The following RALYL variants were observed in gnomAD, a reference collection of about 807,000 sequenced individuals.
RALYL encodes the protein RALY RNA binding protein like, also known as RNA-binding Raly-like protein.
Under a neutral mutation model 35.1 loss-of-function variants are expected in RALYL, and 29 were observed. That is an observed-to-expected ratio of 0.83 (90% CI 0.61 to 1.13). The LOEUF (loss-of-function observed/expected upper bound fraction) is 1.13, where lower values mean the gene tolerates loss of function less well. RALYL is among the 50% of genes most tolerant of loss of function. The pLI is 0.00. For synonymous variants in RALYL, 120 were observed against 127.6 expected (o/e 0.94, Z 0.40); for missense variants, 359 against 360.4 (o/e 1.00, Z 0.03).
At chr8:84,710,333 C>A (rs1194696608) in intron 2 of RALYL, among the ~76,000 whole-genome samples, 1 of 152,062 alleles carries the variant, frequency 6.6e-6, no homozygotes, top group Non-Finnish European at 1.5e-5. Context: ...GAGCCTCACT[C>A]TGTCACCAAG....
rs56387511 is a variant in RALYL, at chr8:84,367,318, A to ATTTTTTTTTTT, written c.-23-161940_-23-161930dup. Among the ~76,000 whole-genome samples, 8 of 27,404 alleles carry ATTTTTTTTTTT rather than the reference A, an allele frequency of 2.9e-4. 2 individuals are homozygous for ATTTTTTTTTTT. The highest frequency in any genetic ancestry group is 3.9e-4 in the Non-Finnish European group (4 of 10,134). 18.0% of individuals were successfully genotyped at this position (27,404 alleles called of 152,430 possible). ...GCCATCCTGCCCAACTAATTTTTGT[A>ATTTTTTTTTTT]TTTTTTTTTTTTTTTTTTTTTTTTT... On this transcript the variant is annotated intron_variant, in intron 1 of 8. Transcript: ENST00000521268.
intron 2 of RALYL, among the ~76,000 whole-genome samples, chr8:84,569,499 G>A (rs953175870): frequency 3.3e-5 from 5 of 151,562 alleles, no homozygotes; most frequent in Admixed American, 6.6e-5. Flanking sequence ...CTTTGTTGGA[G>A]GCATAATTTG....
chr8:84,350,123 T>C (rs1324390584), intron 1 of RALYL, among the ~76,000 whole-genome samples: 1 of 150,552 alleles, frequency 6.6e-6, no homozygotes. Flanking sequence ...GAATTCACAG[T>C]TTGAAAATAT....
rs921207133 is a variant in RALYL at position 84,266,736 on chromosome 8, G to T, written c.-24+82312G>T. Among the ~76,000 whole-genome samples, 7 of 152,036 alleles carry T rather than the reference G, an allele frequency of 4.6e-5. No individual in the cohort carries two copies. The East Asian group carries it at 1.4e-3, about 29-fold the overall frequency. The stretch of plus-strand genomic sequence containing the variant: ...AGCACTTTGGGAGGCCGAGGCGGGC[G>T]GATCACGAGGTCAGGAGATCGAGAC... On this transcript the variant is annotated intron_variant, in intron 1 of 8. Transcript: ENST00000521268.
At chr8:84,843,279 C>CA (rs1833841671) in intron 4 of RALYL, among the ~76,000 whole-genome samples, 1 of 152,226 alleles carries the variant, frequency 6.6e-6, no homozygotes, top group East Asian at 1.9e-4. Context: ...TCTCAGGATA[C>CA]AAAATCAATG....
rs1261261808 is a variant in RALYL, at chr8:84,703,274, G to T, written c.257-71305G>T. ...CCAGATGTGAGGTTCAGGAGTAGAT[G>T]CTCTAAATGCACTGAGGCGAGAAAA... On this transcript the variant is annotated intron_variant, in intron 2 of 8. Coordinates refer to ENST00000521268, the MANE Select transcript of RALYL (RefSeq NM_173848.7). Among the ~76,000 whole-genome samples the T allele has an allele frequency of 5.3e-5, 8 of 152,194 alleles. No homozygotes were observed. In the East Asian group the frequency reaches 1.2e-3, roughly 22 times the overall value.
intron 5 of RALYL, among the ~76,000 whole-genome samples, chr8:84,851,291 A>C (rs1370204127): frequency 3.3e-5 from 5 of 152,090 alleles, no homozygotes; most frequent in Non-Finnish European, 7.3e-5. Context: ...ATTATCATGC[A>C]CATTTATTAT....
intron 1 of RALYL, among the ~76,000 whole-genome samples, chr8:84,208,249 CA>C (rs1241945319): frequency 5.9e-5 from 9 of 152,044 alleles, no homozygotes; most frequent in African/African-American, 2.2e-4. Flanking sequence ...AGCACAGAAA[CA>C]AAAATTTTAG....
chr8:84,208,009 A>G lies in RALYL; in HGVS notation c.-24+23585A>G, dbSNP rs111741713. Among the ~76,000 whole-genome samples the G allele has an allele frequency of 1.1e-3, 168 of 152,236 alleles. 1 individual carries two copies. The highest frequency in any genetic ancestry group is 3.5e-3 in the African/African-American group (147 of 41,556). The stretch of plus-strand genomic sequence containing the variant: ...AATGCATTTAACTTGTTAGGGGGTT[A>G]TTAGGAGGGAAGATCTTTAGCTGCA... On this transcript the variant is annotated intron_variant, in intron 1 of 8. Transcript: ENST00000521268.
intron 1 of RALYL, among the ~76,000 whole-genome samples, chr8:84,527,245 G>A (rs1410501594): frequency 6.6e-6 from 1 of 151,954 alleles, no homozygotes; most frequent in Non-Finnish European, 1.5e-5. Context: ...GTACAGGTAT[G>A]AGTGTCATCT....
intron 1 of RALYL, among the ~76,000 whole-genome samples, chr8:84,369,119 C>G (rs1855157543): frequency 1.3e-5 from 2 of 152,064 alleles, no homozygotes; most frequent in Non-Finnish European, 2.9e-5. Flanking sequence ...GAGCTTGCTT[C>G]TGTTCTAGAC....
At chr8:84,347,985 A>T (rs73294932) in intron 1 of RALYL, among the ~76,000 whole-genome samples, 10,490 of 152,146 alleles carry the variant, frequency 0.069, 445 homozygotes, top group African/African-American at 0.096. Context: ...CCAGCTTGAT[A>T]GGTTAAAGTT....
intron 2 of RALYL, among the ~76,000 whole-genome samples, chr8:84,737,199 A>T (rs1366961356): frequency 6.6e-6 from 1 of 152,110 alleles, no homozygotes; most frequent in Non-Finnish European, 1.5e-5. Flanking sequence ...AAATATTTTT[A>T]AAACTCAATC....
chr8:84,873,045 C>A (rs899526387), intron 6 of RALYL: 14 of 359,396 alleles, frequency 3.9e-5, no homozygotes, highest in African/African-American at 2.3e-4. Flanking sequence ...ATTTCCATAA[C>A]CTTCAGTCAA....
At chr8:84,824,004 G>T (rs1220171592) in intron 4 of RALYL, among the ~76,000 whole-genome samples, 1 of 152,026 alleles carries the variant, frequency 6.6e-6, no homozygotes, top group East Asian at 1.9e-4. Flanking sequence ...TACTAGAAAT[G>T]CTAGCCAGAG....
At chr8:84,471,190 A>G (rs1015147008) in intron 1 of RALYL, among the ~76,000 whole-genome samples, 2 of 152,228 alleles carry the variant, frequency 1.3e-5, no homozygotes, top group Non-Finnish European at 2.9e-5. Context: ...GGTAGAAAAT[A>G]TATTGAACTA....
chr8:84,404,836 G>C (rs889892624), intron 1 of RALYL, among the ~76,000 whole-genome samples: 15 of 152,104 alleles, frequency 9.9e-5, no homozygotes, highest in African/African-American at 3.4e-4. Flanking sequence ...ATTAATTACT[G>C]CTTCAATTTC....
chr8:84,860,640 T>C (rs1469829984), intron 5 of RALYL, among the ~76,000 whole-genome samples: 1 of 152,232 alleles, frequency 6.6e-6, no homozygotes, highest in Admixed American at 6.5e-5. Context: ...TGAAGTAAAC[T>C]ATTATGTGTT....
chr8:84,386,114 C>T (rs1859140557), intron 1 of RALYL, among the ~76,000 whole-genome samples: 1 of 151,744 alleles, frequency 6.6e-6, no homozygotes, highest in African/African-American at 2.4e-5. Context: ...CAGGTCACTG[C>T]AGAGTTATAG....
Sources: gnomAD v4.1 joint callset for allele counts (sites outside exome capture counted in the v4.1 genomes callset) on GRCh38, gnomAD v4.1.1 for gene constraint, MANE v1.5 for transcripts, NCBI Gene and HGNC (gene_info 2026-07-23, HGNC 2026-07-21) for gene names.